RHOBTB3: variants seen among roughly 807,000 people sequenced by gnomAD.
RHOBTB3 encodes rho-related BTB domain-containing protein 3.
A neutral mutation model predicts 67.2 loss-of-function variants in RHOBTB3; 47 were observed. That is an observed-to-expected ratio of 0.70 (90% CI 0.55 to 0.89). The LOEUF (loss-of-function observed/expected upper bound fraction) is 0.89, where lower values mean the gene tolerates loss of function less well. Among genes scored for constraint, RHOBTB3 ranks in the 40% least tolerant of loss-of-function variants. The probability of loss-of-function intolerance (pLI) is 0.00; values close to 1 mark genes in which losing one functional copy is unlikely to be tolerated. For missense variants in RHOBTB3, 631 were observed against 750.0 expected (o/e 0.84, Z 1.85); for synonymous variants, 273 against 274.2 (o/e 1.00, Z 0.04).
chr5:95,782,958 C>T (rs1012742110), intron 9 of RHOBTB3, among the ~76,000 whole-genome samples: 6 of 150,132 alleles, frequency 4.0e-5, no homozygotes, highest in South Asian at 2.1e-4. Context: ...GTTTAGCTAA[C>T]GGAAAGATTT....
In RHOBTB3 at chr5:95,774,219, G is replaced by T. The variant is rs138369780; in HGVS notation, c.1283-6033G>T. Among the ~76,000 whole-genome samples the T allele has an allele frequency of 5.9e-3, 905 of 152,254 alleles. 11 individuals are homozygous for T. Among genetic ancestry groups the T allele is most frequent in the South Asian group, 0.049 (237 of 4,826 alleles). The stretch of plus-strand genomic sequence containing the variant: ...TGTTGTAAGTGCTCATTGTAGGACA[G>T]TCAGATAATATATAAAGATGCAAAA... On this transcript the variant is annotated intron_variant, in intron 8 of 11. Coordinates refer to ENST00000379982, the MANE Select transcript of RHOBTB3 (RefSeq NM_014899.4).
In RHOBTB3 at chr5:95,777,382, A is replaced by T. The variant is rs11135432; in HGVS notation, c.1283-2870A>T. On this transcript the variant is annotated intron_variant, in intron 8 of 11. Transcript: ENST00000379982. ...GTCAAAGATTCTTGATAATCTATGT[A>T]AAGTGACTAGAAAACTTGGGCTTTT... Among the ~76,000 whole-genome samples, 1,222 of 152,382 alleles carry T rather than the reference A, an allele frequency of 8.0e-3. 21 individuals are homozygous for T. The highest frequency in any genetic ancestry group is 0.028 in the African/African-American group (1,171 of 41,588).
intron 7 of RHOBTB3, chr5:95,767,699 A>G (rs1007871570): frequency 3.2e-6 from 2 of 627,640 alleles, no homozygotes; most frequent in African/African-American, 1.8e-5. Flanking sequence ...GTACATGTAA[A>G]CATATTTTAG....
chr5:95,787,237 T>C (rs927196224), intron 10 of RHOBTB3, among the ~76,000 whole-genome samples: 12 of 152,164 alleles, frequency 7.9e-5, no homozygotes, highest in Admixed American at 2.6e-4. Context: ...GTAACAGTAG[T>C]GGTGGCTTCT....
At chr5:95,731,769 C>T (rs888951595) in intron 1 of RHOBTB3, 85 bp downstream of exon 1, 6 of 1,605,080 alleles carry the variant, frequency 3.7e-6, no homozygotes, top group South Asian at 1.1e-5. Flanking sequence ...CCATCCTCGC[C>T]GCGCGCTGTC....
In RHOBTB3 at chr5:95,755,679, A is replaced by G. The variant is rs1270383113; in HGVS notation, c.966A>G (p.Ser322=). 6.2e-7 allele frequency: 1 copy of G among 1,614,056 alleles called. No individual in the cohort carries two copies. Among genetic ancestry groups the G allele is most frequent in the East Asian group, 2.2e-5 (1 of 44,892 alleles). ...TTCCAGGTGCTAGCCATGAATCTTC[A>G]GGCAACCCACCATTACGAGTCATTG... ...TAFPGASHES[S]GNPPLRVIVK... is the part of the protein sequence containing the mutation. The change falls in exon 6 of 12, where the codon TCA becomes TCG. Residue 322 remains serine, a synonymous_variant. Coordinates refer to ENST00000379982, the MANE Select transcript of RHOBTB3 (RefSeq NM_014899.4).
At chr5:95,778,832 A>G (rs1440178607) in intron 8 of RHOBTB3, among the ~76,000 whole-genome samples, 1 of 152,240 alleles carries the variant, frequency 6.6e-6, no homozygotes, top group African/African-American at 2.4e-5. Flanking sequence ...GTGGAGGGAC[A>G]CTGTCCCAGT....
Position 95,780,226 on chromosome 5 carries a change from T to A in RHOBTB3, c.1283-26T>A, listed in dbSNP as rs369743113. 21 of 1,604,856 alleles carry A rather than the reference T, an allele frequency of 1.3e-5. No individual in the cohort carries two copies. The African/African-American group carries it at 2.1e-4, about 16-fold the overall frequency. On this transcript the variant is annotated intron_variant, in intron 8 of 11. Coordinates refer to ENST00000379982, the MANE Select transcript of RHOBTB3 (RefSeq NM_014899.4). Reference sequence around the variant, plus strand: ...ACCCTGCAGGTTTATCTCACTTGTTTCTTGTTTCCCTTTTGAACCTTTCAG... The same window carrying A: ...ACCCTGCAGGTTTATCTCACTTGTTACTTGTTTCCCTTTTGAACCTTTCAG...
intron 8 of RHOBTB3, among the ~76,000 whole-genome samples, chr5:95,776,621 C>T (rs918589483): frequency 2.6e-5 from 4 of 152,028 alleles, no homozygotes; most frequent in African/African-American, 9.7e-5. Context: ...CAATTTAGAC[C>T]AGAACTGATA....
chr5:95,768,267 T>C, intron 8 of RHOBTB3, 101 bp downstream of exon 8: 1 of 1,108,720 alleles, frequency 9.0e-7, no homozygotes, highest in East Asian at 2.4e-5. Context: ...AAGGAATGAT[T>C]ATTCCCTACT....
chr5:95,760,539 T>C (rs1473950569), intron 6 of RHOBTB3, among the ~76,000 whole-genome samples: 5 of 152,238 alleles, frequency 3.3e-5, no homozygotes. Flanking sequence ...CAGTTTACAT[T>C]CTCCAGTTCT....
At chr5:95,764,505 AC>A (rs1186754304) in intron 7 of RHOBTB3, among the ~76,000 whole-genome samples, 1 of 152,220 alleles carries the variant, frequency 6.6e-6, no homozygotes, top group Non-Finnish European at 1.5e-5. Context: ...AACTCTAGTA[AC>A]TTGGTATTGT....
chr5:95,757,374 T>C (rs1745277643), intron 6 of RHOBTB3, among the ~76,000 whole-genome samples: 1 of 152,218 alleles, frequency 6.6e-6, no homozygotes. Context: ...CTTCAAATCA[T>C]GTAGCGATAA....
chr5:95,770,440 C>T (rs2112817281), intron 8 of RHOBTB3: 1 of 264,606 alleles, frequency 3.8e-6, no homozygotes, highest in South Asian at 5.3e-5. Flanking sequence ...GCAGTGACCA[C>T]TGCTAAGAAT....
Position 95,739,737 on chromosome 5 carries a change from A to G in RHOBTB3, c.415+2662A>G, listed in dbSNP as rs528521299. Reference sequence around the variant, plus strand: ...CAGCCAGTTTTTTTATAGAAACGAAATTCTGCCGTGTTGCTCAGGCTGGTC... The same window carrying G: ...CAGCCAGTTTTTTTATAGAAACGAAGTTCTGCCGTGTTGCTCAGGCTGGTC... On this transcript the variant is annotated intron_variant, in intron 3 of 11. Coordinates refer to ENST00000379982, the MANE Select transcript of RHOBTB3 (RefSeq NM_014899.4). 7.2e-5 allele frequency among the ~76,000 whole-genome samples: 11 copies of G among 152,038 alleles called. No individual in the cohort carries two copies. The South Asian group carries it at 2.3e-3, about 32-fold the overall frequency.
chr5:95,733,060 C>T (rs1014778381), intron 2 of RHOBTB3, among the ~76,000 whole-genome samples: 1 of 152,122 alleles, frequency 6.6e-6, no homozygotes, highest in African/African-American at 2.4e-5. Flanking sequence ...GAAAGTATCA[C>T]GCCATTCTAA....
chr5:95,794,914 C>T lies in RHOBTB3; in HGVS notation c.*1740C>T, dbSNP rs1168165863. The T allele has an allele frequency of 6.6e-6, 1 of 151,930 alleles. No individual in the cohort carries two copies. The highest frequency in any genetic ancestry group is 1.5e-5 in the Non-Finnish European group (1 of 67,988). The allele number at this position is 151,930 out of a possible 1,614,324, so 9.4% of individuals were successfully genotyped here. ...GGTCATGAGTTCGAAACCAGCCTGGCCAAAACAGTGAAACCCCGTCTCTAC... is the reference window on the plus strand; with the variant it reads ...GGTCATGAGTTCGAAACCAGCCTGGTCAAAACAGTGAAACCCCGTCTCTAC... On this transcript the variant is annotated 3_prime_UTR_variant, in exon 12 of 12. Transcript: ENST00000379982.
intron 3 of RHOBTB3, among the ~76,000 whole-genome samples, chr5:95,743,315 G>C (rs1254282726): frequency 5.3e-5 from 8 of 152,116 alleles, no homozygotes; most frequent in Admixed American, 5.2e-4. Context: ...CCCAGCTGCT[G>C]TCTGGGGATG....
chr5:95,780,658 A>G (rs1159564705), intron 9 of RHOBTB3, among the ~76,000 whole-genome samples: 3 of 152,210 alleles, frequency 2.0e-5, no homozygotes, highest in African/African-American at 7.2e-5. Context: ...ACAAGTTCAC[A>G]TGTCCCAGCC....
Sources: allele counts gnomAD v4.1 joint callset (sites outside exome capture counted in the v4.1 genomes callset), GRCh38; gene constraint gnomAD v4.1.1; transcripts MANE v1.5; gene names NCBI Gene and HGNC (gene_info 2026-07-23, HGNC 2026-07-21).